TANGO6: variants seen among roughly 807,000 people sequenced by gnomAD.
TANGO6 encodes the protein transport and golgi organization 6 homolog, also known as transport and Golgi organization protein 6 homolog.
In TANGO6, 90 loss-of-function variants were observed where a neutral mutation model predicts 114.2. The observed-to-expected ratio is 0.79, with a 90% confidence interval of 0.66 to 0.94. The LOEUF is 0.94. Among genes scored for constraint, TANGO6 ranks in the 40% least tolerant of loss-of-function variants. The pLI is 0.00. For missense variants in TANGO6, 1,274 were observed against 1,315.3 expected (o/e 0.97, Z 0.49); for synonymous variants, 477 against 509.8 (o/e 0.94, Z 0.87).
intron 15 of TANGO6, among the ~76,000 whole-genome samples, chr16:68,997,835 C>T (rs1456792320): frequency 1.3e-5 from 2 of 152,140 alleles, no homozygotes; most frequent in Non-Finnish European, 2.9e-5. Context: ...ACCCTTAATC[C>T]TAAGGGTTGT....
chr16:69,070,639 A>C (rs973295547), intron 17 of TANGO6, among the ~76,000 whole-genome samples: 5 of 150,304 alleles, frequency 3.3e-5, no homozygotes, highest in African/African-American at 1.2e-4. Flanking sequence ...TCTCAAAAAA[A>C]AAAAAAACAA....
At chr16:68,939,038 C>G (rs1193169830) in intron 14 of TANGO6, among the ~76,000 whole-genome samples, 3 of 141,238 alleles carry the variant, frequency 2.1e-5, no homozygotes, top group Non-Finnish European at 4.5e-5. Flanking sequence ...CACCACTGCA[C>G]TCCAGCCTGG....
At position 68,919,141 on chromosome 16, in the gene TANGO6, G is replaced by C; in HGVS notation, c.2049G>C (p.Gln683His). ...GAGCCTGTGCAAGCCTGGCCCATCA[G>C]GCAGAGAGCACCGTGGAATCACAGA... ...LQRACASLAH[Q>H]AESTVESQTL... The change falls in exon 12 of 18, where the codon CAG (glutamine) becomes CAC (histidine). Residue 683 changes from glutamine to histidine, a missense_variant. By Grantham distance (24) the Gln-to-His change is conservative. Around this residue, in one of 5 missense-constraint regions of TANGO6, gnomAD observed 908 missense variants for 910.2 expected, o/e 1.00. Transcript: ENST00000261778. 1 of 1,613,118 alleles carries C rather than the reference G, an allele frequency of 6.2e-7. No homozygotes were observed. The highest frequency in any genetic ancestry group is 8.5e-7 in the Non-Finnish European group (1 of 1,179,622).
intron 1 of TANGO6, among the ~76,000 whole-genome samples, chr16:68,851,161 ATTTTAT>A (rs1961897006): frequency 6.6e-6 from 1 of 151,536 alleles, no homozygotes; most frequent in African/African-American, 2.4e-5. Context: ...TTTAATTTTA[ATTTTAT>A]TTTTATTTTT....
rs1359720732 is a variant in TANGO6, at chr16:68,860,201, A to C, written c.412A>C (p.Ser138Arg). 1.2e-6 allele frequency: 2 copies of C among 1,613,918 alleles called. No individual in the cohort carries two copies. The highest frequency in any genetic ancestry group is 2.7e-5 in the African/African-American group (2 of 74,932). ...TCCTGCCCTGAGCCCCGATGCACTT[A>C]GTATCTCACAACAGAAGACTGTCCA... ...VAPALSPDAL[S>R]ISQQKTVQFV... The change falls in exon 2 of 18, where the codon AGT (serine) becomes CGT (arginine). Residue 138 changes from serine (S) to arginine (R), a missense_variant. Transcript: ENST00000261778.
intron 4 of TANGO6, 21 bp from the exon 5 acceptor site, chr16:68,875,133 C>A: frequency 6.2e-7 from 1 of 1,606,462 alleles, no homozygotes; most frequent in South Asian, 1.1e-5. Context: ...GAGCTGCTAA[C>A]ATCTCTCTCC....
intron 14 of TANGO6, among the ~76,000 whole-genome samples, chr16:68,965,242 C>G (rs1316455845): frequency 6.6e-6 from 1 of 152,150 alleles, no homozygotes; most frequent in Non-Finnish European, 1.5e-5. Flanking sequence ...TCACTGCAAC[C>G]TCCATCTCCC....
At position 68,927,776 on chromosome 16, in the gene TANGO6, A is replaced by G. The variant is rs1963187062; in HGVS notation, c.2336A>G (p.Gln779Arg). Residue 779 changes from glutamine (Q) to arginine (R), a missense_variant, in exon 13 of 18, where the codon CAG (glutamine) becomes CGG (arginine). Gln to Arg is a conservative substitution (Grantham distance 43). Transcript: ENST00000261778. ...GATCTGGAAGGGAAAATAGAAGAGCAGCAACAAACCAGTCATGAAAGACCC... is the reference window on the plus strand; with the variant it reads ...GATCTGGAAGGGAAAATAGAAGAGCGGCAACAAACCAGTCATGAAAGACCC... ...RKDLEGKIEE[Q>R]QQTSHERPTD... 2 of 1,614,016 alleles carry G rather than the reference A, an allele frequency of 1.2e-6. No individual in the cohort carries two copies. The highest frequency in any genetic ancestry group is 1.7e-6 in the Non-Finnish European group (2 of 1,179,886).
chr16:68,958,631 C>T (rs1322386706), intron 14 of TANGO6, among the ~76,000 whole-genome samples: 1 of 152,004 alleles, frequency 6.6e-6, no homozygotes, highest in Admixed American at 6.6e-5. Context: ...GAGGCTTTCC[C>T]TCTATTTACA....
At chr16:69,047,315 C>G (rs745919573) in intron 17 of TANGO6, among the ~76,000 whole-genome samples, 1 of 151,858 alleles carries the variant, frequency 6.6e-6, no homozygotes, top group Non-Finnish European at 1.5e-5. Context: ...GCCAACATGG[C>G]GAAACCCTAT....
At chr16:68,930,611 C>T (rs1963226963) in intron 14 of TANGO6, among the ~76,000 whole-genome samples, 2 of 151,242 alleles carry the variant, frequency 1.3e-5, no homozygotes, top group Non-Finnish European at 2.9e-5. Context: ...ATCACATTAA[C>T]CTTTTATGTT....
chr16:68,850,205 C>T (rs970170891), intron 1 of TANGO6, among the ~76,000 whole-genome samples: 1 of 152,106 alleles, frequency 6.6e-6, no homozygotes, highest in African/African-American at 2.4e-5. Context: ...AACTCCTGAC[C>T]TCGTGATCCA....
At chr16:69,064,291 T>C (rs1239338924) in intron 17 of TANGO6, among the ~76,000 whole-genome samples, 1 of 152,190 alleles carries the variant, frequency 6.6e-6, no homozygotes, top group African/African-American at 2.4e-5. Flanking sequence ...TAGCACCTTA[T>C]GTTCCTGAAG....
At chr16:68,861,574 A>G (rs2152157975) in intron 2 of TANGO6, among the ~76,000 whole-genome samples, 1 of 152,288 alleles carries the variant, frequency 6.6e-6, no homozygotes, top group East Asian at 1.9e-4. Context: ...AGTGTGACCC[A>G]GGTTGACAGG....
At chr16:69,019,251 A>G (rs1195377757) in intron 15 of TANGO6, among the ~76,000 whole-genome samples, 1 of 152,226 alleles carries the variant, frequency 6.6e-6, no homozygotes, top group African/African-American at 2.4e-5. Flanking sequence ...TCTAGGATAG[A>G]TAATTAGAAA....
intron 14 of TANGO6, among the ~76,000 whole-genome samples, chr16:68,967,184 G>A (rs1385465293): frequency 6.6e-6 from 1 of 152,186 alleles, no homozygotes; most frequent in African/African-American, 2.4e-5. Context: ...TGGTTTCATG[G>A]AAGACAATAT....
chr16:68,913,452 A>T (rs905128593), intron 11 of TANGO6, among the ~76,000 whole-genome samples: 1 of 134,228 alleles, frequency 7.5e-6, no homozygotes, highest in Non-Finnish European at 1.5e-5. Context: ...TCTGTCGCCC[A>T]GGCTGGAGTG....
In TANGO6 at chr16:68,886,263, G is replaced by A. The variant is rs975423579; in HGVS notation, c.1377+5633G>A. On this transcript the variant is annotated intron_variant, in intron 7 of 17. Coordinates refer to ENST00000261778, the MANE Select transcript of TANGO6 (RefSeq NM_024562.2). ...AGAGTCTTGCTCTGTCTCCCAGGCT[G>A]GAGTGCAGTGGCACAATCTCAGCTC... is the stretch of plus-strand genomic sequence containing the variant. 1.2e-4 allele frequency among the ~76,000 whole-genome samples: 18 copies of A among 150,832 alleles called. 1 individual carries two copies. The highest frequency in any genetic ancestry group is 1.1e-3 in the Admixed American group (16 of 15,126).
At chr16:68,991,909 G>A (rs1963949148) in intron 15 of TANGO6, among the ~76,000 whole-genome samples, 1 of 152,290 alleles carries the variant, frequency 6.6e-6, no homozygotes, top group Non-Finnish European at 1.5e-5. Context: ...ACAAAGAGAT[G>A]AGGATTTTGG....
Sources: allele counts gnomAD v4.1 joint callset (sites outside exome capture counted in the v4.1 genomes callset), GRCh38; gene constraint gnomAD v4.1.1; regional missense constraint gnomAD v4.1.1; transcripts MANE v1.5; gene names NCBI Gene and HGNC (gene_info 2026-07-23, HGNC 2026-07-21).